Variants in CCDC175 observed in about 807,000 individuals in gnomAD.
CCDC175 encodes coiled-coil domain-containing protein 175.
In CCDC175, 100 loss-of-function variants were observed where a neutral mutation model predicts 114.6. That is an observed-to-expected ratio of 0.87 (90% confidence interval 0.74 to 1.03). The LOEUF (loss-of-function observed/expected upper bound fraction) is 1.03. Among genes scored for constraint, CCDC175 ranks in the 50% least tolerant of loss-of-function variants. The probability of loss-of-function intolerance (pLI) is 0.00; values close to 1 mark genes in which losing one functional copy is unlikely to be tolerated. For synonymous variants in CCDC175, 306 were observed against 308.7 expected (o/e 0.99, Z 0.09); for missense variants, 880 against 917.8 (o/e 0.96, Z 0.53).
chr14:59,536,618 TG>T (rs1894414971), intron 13 of CCDC175, among the ~76,000 whole-genome samples: 1 of 152,056 alleles, frequency 6.6e-6, no homozygotes. Context: ...TTCCTTCGTT[TG>T]TTCCCCGAGT....
intron 10 of CCDC175, 27 bp downstream of exon 10, chr14:59,543,316 TA>T: frequency 1.3e-6 from 1 of 789,700 alleles, no homozygotes; most frequent in Non-Finnish European, 1.9e-6. Context: ...AAAGTAAAGA[TA>T]AAAAATTTCA....
intron 5 of CCDC175, among the ~76,000 whole-genome samples, chr14:59,564,724 C>T (rs996558435): frequency 2.6e-5 from 4 of 152,232 alleles, no homozygotes; most frequent in Non-Finnish European, 5.9e-5. Context: ...CAGACACAGT[C>T]TCAGGGTTAT....
At chr14:59,549,936 G>T (rs1266406326) in intron 8 of CCDC175, among the ~76,000 whole-genome samples, 1 of 151,622 alleles carries the variant, frequency 6.6e-6, no homozygotes, top group African/African-American at 2.4e-5. Context: ...TTTTTAGAGG[G>T]ACTCTTGCTC....
intron 13 of CCDC175, among the ~76,000 whole-genome samples, chr14:59,532,973 T>G (rs1049328612): frequency 1.3e-5 from 2 of 152,250 alleles, no homozygotes; most frequent in Non-Finnish European, 2.9e-5. Context: ...CCAAGTTGTA[T>G]GCACACATAA....
rs1439415009 is a variant in CCDC175, at chr14:59,556,842, G to A, written c.953+4277C>T. Among the ~76,000 whole-genome samples the A allele has an allele frequency of 2.6e-5, 4 of 152,164 alleles. No individual in the cohort carries two copies. The East Asian group carries it at 5.8e-4, about 22-fold the overall frequency. ...ACACTTCTCAAAAGAAGACATTTAT[G>A]CAGCCAAAAGATACATGAAAAAATG... On this transcript the variant is annotated intron_variant, in intron 7 of 19. Coordinates refer to ENST00000537690, the MANE Select transcript of CCDC175 (RefSeq NM_001164399.2).
At chr14:59,519,828 A>T (rs1048134038) in intron 17 of CCDC175, among the ~76,000 whole-genome samples, 6 of 152,206 alleles carry the variant, frequency 3.9e-5, no homozygotes, top group Non-Finnish European at 8.8e-5. Context: ...AGGTCATAAG[A>T]CGCCATGAAC....
At chr14:59,572,290 A>C (rs1305564010) in intron 3 of CCDC175, among the ~76,000 whole-genome samples, 2 of 152,216 alleles carry the variant, frequency 1.3e-5, no homozygotes, top group African/African-American at 4.8e-5. Flanking sequence ...AACAGTATGA[A>C]TGAACCTTGA....
intron 17 of CCDC175, among the ~76,000 whole-genome samples, chr14:59,520,099 C>T (rs1428013304): frequency 6.6e-6 from 1 of 152,188 alleles, no homozygotes; most frequent in Non-Finnish European, 1.5e-5. Context: ...ATCAAATTGC[C>T]ATTTTGTGAG....
At chr14:59,512,805 G>GGT (rs140076678) in intron 17 of CCDC175, among the ~76,000 whole-genome samples, 6,324 of 144,378 alleles carry the variant, frequency 0.044, 154 homozygotes, top group Non-Finnish European at 0.06. Context: ...TCTCAGCAGG[G>GGT]GTGTGTGTGT....
At chr14:59,506,959 A>T (rs974855132) in intron 19 of CCDC175, among the ~76,000 whole-genome samples, 1 of 120,768 alleles carries the variant, frequency 8.3e-6, no homozygotes, top group Non-Finnish European at 1.8e-5. Context: ...ATGATGTAAT[A>T]CTCAAGGACT....
rs1426847369 is a variant in CCDC175, at chr14:59,561,143, T to A, written c.929A>T (p.Asp310Val). The change falls in exon 7 of 20, where the codon GAC becomes GTC. Residue 310 changes from aspartate to valine, a missense_variant. Asp to Val is a radical substitution (Grantham distance 152, BLOSUM62 -3). Coordinates refer to ENST00000537690, the MANE Select transcript of CCDC175 (RefSeq NM_001164399.2). ...WEQEVSELKK[D>V]LAILEAKLCF... is the part of the protein sequence containing the mutation. ...CAGTTTCGCCTCCAGAATTGCAAGG[T>A]CTTTCTTTAGCTCACTGACCTCTTG... is the stretch of plus-strand genomic sequence containing the variant. 6.5e-7 allele frequency: 1 copy of A among 1,532,938 alleles called. No individual in the cohort carries two copies. The highest frequency in any genetic ancestry group is 1.4e-5 in the African/African-American group (1 of 72,948). The allele number at this position is 1,532,938 out of a possible 1,614,324, so 95.0% of individuals were successfully genotyped here.
At chr14:59,529,373 T>C (rs574563849) in intron 14 of CCDC175, among the ~76,000 whole-genome samples, 289 of 152,278 alleles carry the variant, frequency 1.9e-3, no homozygotes, top group African/African-American at 6.2e-3. Context: ...TTTGCCAGCA[T>C]TGAGGAGGAG....
chr14:59,547,614 A>G (rs1895192900), intron 8 of CCDC175, among the ~76,000 whole-genome samples: 1 of 152,220 alleles, frequency 6.6e-6, no homozygotes, highest in Non-Finnish European at 1.5e-5. Flanking sequence ...TTGTATTTTC[A>G]GTAAATGGTG....
chr14:59,542,252 T>A (rs562811125), intron 10 of CCDC175, among the ~76,000 whole-genome samples: 6 of 152,364 alleles, frequency 3.9e-5, no homozygotes, highest in African/African-American at 1.4e-4. Flanking sequence ...TTTATATAAT[T>A]CACTGTCATA....
In CCDC175 at chr14:59,525,580, C is replaced by T. The variant is rs578150412; in HGVS notation, c.1843-146G>A. On this transcript the variant is annotated intron_variant, in intron 15 of 19. Transcript: ENST00000537690. ...GGATAGATATTCTTCCTTAGAAAAA[C>T]CTATCAACCCCACATTTATTCATGG... 8 of 521,060 alleles carry T rather than the reference C, an allele frequency of 1.5e-5. 1 individual carries two copies. Among genetic ancestry groups the T allele is most frequent in the Middle Eastern group, 6.6e-4 (2 of 3,048 alleles). 32.3% of individuals were successfully genotyped at this position (521,060 alleles called of 1,614,324 possible). A position where few individuals can be genotyped will look rare whatever the true frequency, so the allele number is the denominator to read the frequency against.
At chr14:59,508,813 C>G (rs1019536391) in intron 19 of CCDC175, among the ~76,000 whole-genome samples, 1 of 152,064 alleles carries the variant, frequency 6.6e-6, no homozygotes, top group Non-Finnish European at 1.5e-5. Flanking sequence ...AGTGGGCCCT[C>G]AGCAGAAGCC....
chr14:59,510,925 CAT>C, intron 18 of CCDC175, 117 bp from the exon 19 acceptor site: 3 of 910,148 alleles, frequency 3.3e-6, no homozygotes, highest in Non-Finnish European at 4.9e-6. Context: ...TGGTATCAGT[CAT>C]AAAAATAAGT....
At chr14:59,529,949 T>C (rs1893965832) in intron 14 of CCDC175, among the ~76,000 whole-genome samples, 1 of 152,208 alleles carries the variant, frequency 6.6e-6, no homozygotes, top group African/African-American at 2.4e-5. Flanking sequence ...TCTTCAGCAT[T>C]TTCTCCCCTT....
rs938653081 is a variant in CCDC175 at position 59,551,299 on chromosome 14, T to C, written c.1035+56A>G. The C allele has an allele frequency of 1.0e-5, 8 of 801,356 alleles. No individual in the cohort carries two copies. The Admixed American group carries it at 1.1e-4, about 11-fold the overall frequency. 49.6% of individuals were successfully genotyped at this position (801,356 alleles called of 1,614,324 possible). ...CTATATTTCTCACATATTTTAAACA[T>C]TAACTAAAAATGAAATGTAATTATA... is the stretch of plus-strand genomic sequence containing the variant. On this transcript the variant is annotated intron_variant, in intron 8 of 19. Transcript: ENST00000537690.
Sources: allele counts gnomAD v4.1 joint callset (sites outside exome capture counted in the v4.1 genomes callset), GRCh38; gene constraint gnomAD v4.1.1; transcripts MANE v1.5; gene names NCBI Gene and HGNC (gene_info 2026-07-23, HGNC 2026-07-21).